XDH: variants seen among roughly 807,000 people sequenced by gnomAD.
XDH encodes the protein xanthine dehydrogenase, also known as xanthine dehydrogenase/oxidase.
Under a neutral mutation model 156.1 loss-of-function variants are expected in XDH, and 138 were observed. The observed-to-expected ratio is 0.88, with a 90% confidence interval of 0.77 to 1.02. XDH has a LOEUF of 1.02. Ranked by LOEUF, XDH falls within the 50% of genes least tolerant of loss-of-function variation. The pLI is 0.00. For missense variants in XDH, 1,849 were observed against 1,684.9 expected (o/e 1.10, Z -1.71); for synonymous variants, 669 against 625.7 (o/e 1.07, Z -1.03).
chr2:31,386,252 A>G (rs1407210082), intron 9 of XDH, among the ~76,000 whole-genome samples, 162 bp downstream of exon 9: 1 of 152,182 alleles, frequency 6.6e-6, no homozygotes, highest in African/African-American at 2.4e-5. Flanking sequence ...CTTTGCAGGA[A>G]CTGGAGTGTC....
chr2:31,393,230 T>C lies in XDH; in HGVS notation c.495+4438A>G, dbSNP rs1321422930. ...CTGTCCATTTCTGATATAAGGGTGT[T>C]GAAGTCTTCACATATAATAATGGAT... On this transcript the variant is annotated intron_variant, in intron 6 of 35. Coordinates refer to ENST00000379416, the MANE Select transcript of XDH (RefSeq NM_000379.4). Among the ~76,000 whole-genome samples, 2 of 152,242 alleles carry C rather than the reference T, an allele frequency of 1.3e-5. 1 individual carries two copies. Among genetic ancestry groups the C allele is most frequent in the Non-Finnish European group, 2.9e-5 (2 of 68,044 alleles).
At chr2:31,346,728 C>T (rs1685305150) in intron 30 of XDH, 41 bp downstream of exon 30, 3 of 1,612,966 alleles carry the variant, frequency 1.9e-6, no homozygotes, top group Non-Finnish European at 2.5e-6. Flanking sequence ...TGTCAATTTC[C>T]CTCTCCTTTG....
chr2:31,356,203 T>C lies in XDH; in HGVS notation c.2632-5980A>G, dbSNP rs565120959. On this transcript the variant is annotated intron_variant, in intron 24 of 35. Coordinates refer to ENST00000379416, the MANE Select transcript of XDH (RefSeq NM_000379.4). ...AGATTTCAATGCTCCTCTCTCAAAATTGGTAGCAAAAAATAGACAGAAAAT... is the reference window on the plus strand; with the variant it reads ...AGATTTCAATGCTCCTCTCTCAAAACTGGTAGCAAAAAATAGACAGAAAAT... Among the ~76,000 whole-genome samples, 19 of 152,110 alleles carry C rather than the reference T, an allele frequency of 1.2e-4. No homozygotes were observed. The South Asian group carries it at 3.3e-3, about 27-fold the overall frequency.
chr2:31,341,305 C>CA (rs1296242833), intron 33 of XDH, 24 bp downstream of exon 33: 1 of 1,557,706 alleles, frequency 6.4e-7, no homozygotes, highest in Non-Finnish European at 8.7e-7. Flanking sequence ...AGTCTGTCAC[C>CA]ACCCTGGTCC....
chr2:31,370,365 G>T lies in XDH; in HGVS notation c.1970C>A (p.Ala657Glu), dbSNP rs143481133. Residue 657 changes from alanine (A) to glutamate (E), a missense_variant, in exon 18 of 36, where the codon GCG (alanine) becomes GAG (glutamate). Ala to Glu is a moderately radical substitution (Grantham distance 107, BLOSUM62 -1). Transcript: ENST00000379416. ...TGICNDETVF[A>E]KDKVTCVGHI... ...AAATCCAAGACTTACCTTATCCTTC[G>T]CAAAGACTGTCTCATCATTACAAAT... 10 of 1,614,050 alleles carry T rather than the reference G, an allele frequency of 6.2e-6. No individual in the cohort carries two copies. The highest frequency in any genetic ancestry group is 1.1e-5 in the South Asian group (1 of 91,072).
intron 21 of XDH, 137 bp downstream of exon 21, chr2:31,366,733 C>T: frequency 7.3e-7 from 1 of 1,372,968 alleles, no homozygotes; most frequent in East Asian, 2.3e-5. Flanking sequence ...AAGAGTCTGG[C>T]TCCAGGACTA....
intron 18 of XDH, among the ~76,000 whole-genome samples, chr2:31,369,023 A>T (rs965665182): frequency 6.6e-6 from 1 of 152,196 alleles, no homozygotes; most frequent in African/African-American, 2.4e-5. Flanking sequence ...CTTCCTATGG[A>T]GACTCAGAAG....
At chr2:31,411,468 G>C (rs920352713) in intron 1 of XDH, among the ~76,000 whole-genome samples, 1 of 151,968 alleles carries the variant, frequency 6.6e-6, no homozygotes, top group Non-Finnish European at 1.5e-5. Context: ...ATCTGTGTGT[G>C]TGTCCAGAGT....
At chr2:31,359,890 C>T (rs1379463090) in intron 24 of XDH, among the ~76,000 whole-genome samples, 1 of 152,096 alleles carries the variant, frequency 6.6e-6, no homozygotes, top group African/African-American at 2.4e-5. Flanking sequence ...TTAATGAGTG[C>T]CATCAATGGG....
intron 1 of XDH, among the ~76,000 whole-genome samples, chr2:31,406,777 T>C (rs532431443): frequency 2.5e-4 from 38 of 152,028 alleles, no homozygotes; most frequent in Non-Finnish European, 4.4e-4. Context: ...CCTCTTTGAG[T>C]ATACAATCTC....
intron 17 of XDH, 139 bp downstream of exon 17, chr2:31,372,089 T>A (rs903602417): frequency 1.5e-6 from 2 of 1,300,338 alleles, no homozygotes; most frequent in South Asian, 1.2e-5. Flanking sequence ...GGTCTTCCCC[T>A]CTCTCTAGCC....
intron 24 of XDH, among the ~76,000 whole-genome samples, chr2:31,357,832 A>G (rs1391263994): frequency 2.0e-5 from 3 of 152,108 alleles, no homozygotes; most frequent in Non-Finnish European, 4.4e-5. Flanking sequence ...TCCTATAAAT[A>G]TATACAACTA....
At position 31,348,942 on chromosome 2, in the gene XDH, G is replaced by A; in HGVS notation, c.3008C>T (p.Pro1003Leu). 6.2e-7 allele frequency: 1 copy of A among 1,613,510 alleles called. No homozygotes were observed. Residue 1003 changes from proline to leucine, a missense_variant, in exon 27 of 36, where the codon CCC (proline) becomes CTC (leucine). Coordinates refer to ENST00000379416, the MANE Select transcript of XDH (RefSeq NM_000379.4). The stretch of plus-strand genomic sequence containing the variant: ...TGTAAAGCTTATTCCAAACTTGGTG[G>A]GAATTATGCACAATCCTCTCTTTTT... The part of the protein sequence containing the change: ...CWKKRGLCII[P>L]TKFGISFTVP...
At position 31,368,584 on chromosome 2, in the gene XDH, A is replaced by G. The variant is rs1251180641; in HGVS notation, c.2057T>C (p.Val686Ala). The G allele has an allele frequency of 1.2e-6, 2 of 1,613,828 alleles. No homozygotes were observed. The highest frequency in any genetic ancestry group is 1.7e-6 in the Non-Finnish European group (2 of 1,179,998). ...PEHTQRAAQG[V>A]KITYEELPAI... Reference sequence around the variant, plus strand: ...TGGTAGTTCTTCATAGGTGATTTTCACCCCTTGGGCAGCTCTCTGTGTGTG... The same window carrying G: ...TGGTAGTTCTTCATAGGTGATTTTCGCCCCTTGGGCAGCTCTCTGTGTGTG... The change falls in exon 19 of 36, where the codon GTG (valine) becomes GCG (alanine). Residue 686 changes from valine to alanine, a missense_variant. Val to Ala is a moderately conservative substitution (Grantham distance 64). Coordinates refer to ENST00000379416, the MANE Select transcript of XDH (RefSeq NM_000379.4).
At position 31,334,386 on chromosome 2, in the gene XDH, T is replaced by TC. The variant is rs1276710332; in HGVS notation, c.*1571dup. 2.6e-5 allele frequency: 4 copies of TC among 152,124 alleles called. No individual in the cohort carries two copies. The highest frequency in any genetic ancestry group is 9.7e-5 in the African/African-American group (4 of 41,412). 9.4% of individuals were successfully genotyped at this position (152,124 alleles called of 1,614,324 possible). The stretch of plus-strand genomic sequence containing the variant: ...TCCAACTATATCATTTCCACTATCC[T>TC]CCCTCCATGGCCAGAACCACAGATT... On this transcript the variant is annotated 3_prime_UTR_variant, in exon 36 of 36. Coordinates refer to ENST00000379416, the MANE Select transcript of XDH (RefSeq NM_000379.4).
chr2:31,399,277 T>C (rs192762949), intron 4 of XDH, among the ~76,000 whole-genome samples: 87 of 152,224 alleles, frequency 5.7e-4, no homozygotes, highest in Admixed American at 2.2e-3. Flanking sequence ...ATGTAACTTC[T>C]GAGGGGAGGT....
chr2:31,346,974 C>A (rs562248912), intron 29 of XDH, 131 bp from the exon 30 acceptor site: 2 of 1,139,140 alleles, frequency 1.8e-6, no homozygotes, highest in South Asian at 2.5e-5. Context: ...AACAGCCTGG[C>A]CACCCACTCC....
At chr2:31,404,819 C>A (rs1687152233) in intron 2 of XDH, among the ~76,000 whole-genome samples, 1 of 152,138 alleles carries the variant, frequency 6.6e-6, no homozygotes, top group Non-Finnish European at 1.5e-5. Flanking sequence ...GAACAAAGTA[C>A]ACCAAAGCCA....
rs45625243 is a variant in XDH, at chr2:31,345,655, C to G, written c.3352-919G>C. Among the ~76,000 whole-genome samples the G allele has an allele frequency of 9.2e-3, 1,394 of 152,170 alleles. 22 individuals are homozygous for G. The highest frequency in any genetic ancestry group is 0.032 in the African/African-American group (1,337 of 41,514). The stretch of plus-strand genomic sequence containing the variant: ...GAAAGACTTGGTCCTAAAACCTGCA[C>G]TAGTCATTTAACATAATGTGCGTGT... On this transcript the variant is annotated intron_variant, in intron 30 of 35. Coordinates refer to ENST00000379416, the MANE Select transcript of XDH (RefSeq NM_000379.4).
Sources: gnomAD v4.1 joint callset for allele counts (sites outside exome capture counted in the v4.1 genomes callset) on GRCh38, gnomAD v4.1.1 for gene constraint, MANE v1.5 for transcripts, NCBI Gene and HGNC (gene_info 2026-07-23, HGNC 2026-07-21) for gene names.